The following SUCLG2 variants were observed in gnomAD, a reference collection of about 807,000 sequenced individuals.
SUCLG2 encodes the protein succinate-CoA ligase GDP-forming subunit beta.
SUCLG2 carries 42 observed loss-of-function variants against 47.9 expected under a neutral mutation model. The ratio of observed to expected loss-of-function variants is 0.88; its 90% CI spans 0.69 to 1.14. The LOEUF (loss-of-function observed/expected upper bound fraction) is 1.14, where lower values mean the gene tolerates loss of function less well. Ranked by LOEUF, SUCLG2 falls within the 50% of genes most tolerant of loss-of-function variation. The pLI, the probability that SUCLG2 is intolerant of heterozygous loss-of-function variation, is 0.00. For synonymous variants in SUCLG2, 195 were observed against 197.3 expected (o/e 0.99, Z 0.10); for missense variants, 571 against 525.9 (o/e 1.09, Z -0.84).
intron 9 of SUCLG2, among the ~76,000 whole-genome samples, chr3:67,435,184 C>T (rs939491204): frequency 6.6e-6 from 1 of 152,164 alleles, no homozygotes; most frequent in African/African-American, 2.4e-5. Context: ...ATCACAAGTA[C>T]ACTTGTATGA....
intron 1 of SUCLG2, among the ~76,000 whole-genome samples, chr3:67,621,467 C>T (rs1403287221): frequency 6.6e-6 from 1 of 152,172 alleles, no homozygotes; most frequent in African/African-American, 2.4e-5. Context: ...TTTGCCCAAA[C>T]TGGCCTTATA....
intron 1 of SUCLG2, among the ~76,000 whole-genome samples, chr3:67,616,065 A>C (rs1191619765): frequency 6.6e-6 from 1 of 151,882 alleles, no homozygotes; most frequent in Non-Finnish European, 1.5e-5. Context: ...CTTTTAAGAG[A>C]CCATGTGCAA....
At chr3:67,416,762 A>G (rs1703047714) in intron 9 of SUCLG2, among the ~76,000 whole-genome samples, 1 of 152,202 alleles carries the variant, frequency 6.6e-6, no homozygotes, top group African/African-American at 2.4e-5. Context: ...AATCAATTTC[A>G]TAATAAAATC....
intron 2 of SUCLG2, among the ~76,000 whole-genome samples, chr3:67,560,152 C>A (rs1473294807): frequency 6.6e-6 from 1 of 152,150 alleles, no homozygotes; most frequent in Non-Finnish European, 1.5e-5. Flanking sequence ...TGTTGAAGTC[C>A]TAATCCCCAG....
At chr3:67,608,257 G>C (rs1700459387) in intron 2 of SUCLG2, among the ~76,000 whole-genome samples, 3 of 152,130 alleles carry the variant, frequency 2.0e-5, no homozygotes, top group Admixed American at 2.0e-4. Flanking sequence ...ACCCTGCAAA[G>C]GCTTCTCAAG....
At chr3:67,651,611 G>A (rs1379073581) in intron 1 of SUCLG2, among the ~76,000 whole-genome samples, 1 of 152,196 alleles carries the variant, frequency 6.6e-6, no homozygotes, top group Non-Finnish European at 1.5e-5. Context: ...GTAGGGTGGA[G>A]GTAGTGACAG....
chr3:67,441,086 T>G (rs1703751239), intron 9 of SUCLG2, among the ~76,000 whole-genome samples: 1 of 152,156 alleles, frequency 6.6e-6, no homozygotes, highest in African/African-American at 2.4e-5. Flanking sequence ...AGGACATGGA[T>G]GAAGCTGGAA....
intron 9 of SUCLG2, among the ~76,000 whole-genome samples, chr3:67,460,944 G>A (rs966690487): frequency 6.6e-6 from 1 of 152,182 alleles, no homozygotes; most frequent in East Asian, 1.9e-4. Flanking sequence ...GGGAGGGGAA[G>A]TGGAGAGACA....
intron 7 of SUCLG2, among the ~76,000 whole-genome samples, chr3:67,502,809 G>C (rs530764417): frequency 3.9e-5 from 6 of 152,274 alleles, no homozygotes; most frequent in African/African-American, 1.4e-4. Flanking sequence ...GCCATCTTCT[G>C]AATGAATAAG....
intron 2 of SUCLG2, among the ~76,000 whole-genome samples, chr3:67,602,777 C>T (rs1435611479): frequency 6.6e-6 from 1 of 152,136 alleles, no homozygotes; most frequent in East Asian, 1.9e-4. Flanking sequence ...TATTCGTGAG[C>T]ACCTACTGCC....
chr3:67,450,019 C>G (rs977305563), intron 9 of SUCLG2, among the ~76,000 whole-genome samples: 1 of 107,144 alleles, frequency 9.3e-6, no homozygotes, highest in Admixed American at 1.2e-4. Flanking sequence ...TAATAAAATA[C>G]AAAAAAACAG....
chr3:67,479,927 C>G (rs1021101610), intron 9 of SUCLG2, among the ~76,000 whole-genome samples: 3 of 152,174 alleles, frequency 2.0e-5, no homozygotes, highest in African/African-American at 7.2e-5. Context: ...GGAAGATTAT[C>G]CTTAATTCTC....
intron 2 of SUCLG2, among the ~76,000 whole-genome samples, chr3:67,578,941 G>A (rs1707814106): frequency 6.6e-6 from 1 of 152,158 alleles, no homozygotes; most frequent in South Asian, 2.1e-4. Flanking sequence ...CACCAGTGTT[G>A]CCGCTCTCTA....
chr3:67,531,072 G>T (rs1454683965), intron 2 of SUCLG2, among the ~76,000 whole-genome samples: 1 of 152,188 alleles, frequency 6.6e-6, no homozygotes, highest in South Asian at 2.1e-4. Flanking sequence ...TATTAAAGAA[G>T]TCTACAGTGT....
At chr3:67,375,888 A>C (rs1702026965) in intron 10 of SUCLG2, 29 bp from the exon 11 acceptor site, 1 of 1,606,676 alleles carries the variant, frequency 6.2e-7, no homozygotes, top group African/African-American at 1.3e-5. Context: ...ACAATCACTG[A>C]ATGAAACTAG....
At chr3:67,486,607 A>G (rs764604319) in intron 9 of SUCLG2, among the ~76,000 whole-genome samples, 3 of 152,200 alleles carry the variant, frequency 2.0e-5, no homozygotes, top group Non-Finnish European at 4.4e-5. Context: ...GGCCAACAGC[A>G]TTATTAACTC....
rs548324627 is a variant in SUCLG2, at chr3:67,553,393, T to G, written c.227-24207A>C. The stretch of plus-strand genomic sequence containing the variant: ...GTGACAAATGTTTAAAACTTCATCT[T>G]TTTTGTAGCCTTTGAGTTCAACTTG... On this transcript the variant is annotated intron_variant, in intron 2 of 10. Transcript: ENST00000307227. Among the ~76,000 whole-genome samples, 14 of 152,350 alleles carry G rather than the reference T, an allele frequency of 9.2e-5. No homozygotes were observed. In the South Asian group the frequency reaches 2.1e-3, roughly 23 times the overall value.
intron 2 of SUCLG2, among the ~76,000 whole-genome samples, chr3:67,569,667 C>T (rs1369607519): frequency 6.6e-6 from 1 of 152,196 alleles, no homozygotes; most frequent in Non-Finnish European, 1.5e-5. Flanking sequence ...GCCTGTTCGC[C>T]TATTTGGGAA....
chr3:67,607,249 G>C (rs1249950284), intron 2 of SUCLG2, among the ~76,000 whole-genome samples: 2 of 152,158 alleles, frequency 1.3e-5, no homozygotes, highest in African/African-American at 4.8e-5. Flanking sequence ...CCTGAAATGT[G>C]ACTAGTCTGA....
Sources: allele counts gnomAD v4.1 joint callset (sites outside exome capture counted in the v4.1 genomes callset), GRCh38; gene constraint gnomAD v4.1.1; transcripts MANE v1.5; gene names NCBI Gene and HGNC (gene_info 2026-07-23, HGNC 2026-07-21).